The following PAIP2B variants were observed in gnomAD, a reference collection of about 807,000 sequenced individuals.
PAIP2B encodes the protein polyadenylate-binding protein-interacting protein 2B.
PAIP2B carries 13 observed loss-of-function variants against 17.0 expected under a neutral mutation model. The ratio of observed to expected loss-of-function variants is 0.76; its 90% confidence interval spans 0.50 to 1.22. The LOEUF is 1.22. PAIP2B is among the 50% of genes most tolerant of loss of function. The probability of loss-of-function intolerance (pLI) is 0.00; values close to 1 mark genes in which losing one functional copy is unlikely to be tolerated. For missense variants in PAIP2B, 117 were observed against 144.5 expected (o/e 0.81, Z 0.98); for synonymous variants, 43 against 48.7 (o/e 0.88, Z 0.48).
intron 1 of PAIP2B, among the ~76,000 whole-genome samples, chr2:71,219,943 C>A (rs1675535007): frequency 6.6e-6 from 1 of 152,222 alleles, no homozygotes; most frequent in Admixed American, 6.5e-5. Context: ...ATATACCATT[C>A]CTTGTTCCTT....
intron 1 of PAIP2B, among the ~76,000 whole-genome samples, chr2:71,206,150 A>G (rs1675122633): frequency 1.3e-5 from 2 of 152,226 alleles, no homozygotes; most frequent in African/African-American, 2.4e-5. Flanking sequence ...TTCAATAAAC[A>G]CTGGCAATTA....
chr2:71,210,078 C>G (rs1453620151), intron 1 of PAIP2B, among the ~76,000 whole-genome samples: 1 of 152,198 alleles, frequency 6.6e-6, no homozygotes, highest in Non-Finnish European at 1.5e-5. Context: ...CCCGCCTCAG[C>G]CTCCCAAAGT....
In PAIP2B at chr2:71,211,896, C is replaced by T. The variant is rs147947082; in HGVS notation, c.-11-9296G>A. 7.4e-3 allele frequency among the ~76,000 whole-genome samples: 1,132 copies of T among 152,274 alleles called. 11 individuals are homozygous for T. Among genetic ancestry groups the T allele is most frequent in the Non-Finnish European group, 0.011 (758 of 68,016 alleles). ...CAAAAGACTTGCCAAAAGTCAGTGG[C>T]AAGATCTCTAGACTCAGACCCACCT... is the stretch of plus-strand genomic sequence containing the variant. On this transcript the variant is annotated intron_variant, in intron 1 of 3. Transcript: ENST00000244221.
chr2:71,206,864 C>T (rs543238933), intron 1 of PAIP2B, among the ~76,000 whole-genome samples: 37 of 152,340 alleles, frequency 2.4e-4, no homozygotes, highest in African/African-American at 8.9e-4. Context: ...AGTTTCATTA[C>T]TTCCTTCAGT....
chr2:71,214,830 T>G (rs1417765448), intron 1 of PAIP2B, among the ~76,000 whole-genome samples: 1 of 152,170 alleles, frequency 6.6e-6, no homozygotes, highest in Non-Finnish European at 1.5e-5. Flanking sequence ...CTTTGGACCC[T>G]CTATGAACCT....
At chr2:71,210,718 C>G (rs1051807881) in intron 1 of PAIP2B, among the ~76,000 whole-genome samples, 2 of 152,174 alleles carry the variant, frequency 1.3e-5, no homozygotes, top group Non-Finnish European at 2.9e-5. Flanking sequence ...AAATTAAACT[C>G]AAGGCTGCCA....
intron 2 of PAIP2B, among the ~76,000 whole-genome samples, chr2:71,196,346 A>G (rs1166690983): frequency 6.6e-6 from 1 of 152,022 alleles, no homozygotes; most frequent in Non-Finnish European, 1.5e-5. Flanking sequence ...GTTGACTTCT[A>G]TTTTTATTGT....
rs543815170 is a variant in PAIP2B at position 71,194,220 on chromosome 2, T to A, written c.139-4199A>T. Among the ~76,000 whole-genome samples the A allele has an allele frequency of 1.7e-4, 26 of 151,426 alleles. No homozygotes were observed. In the South Asian group the frequency reaches 5.5e-3, roughly 32 times the overall value. ...ATTCGTGCACTTTTTAGGTTCCATA[T>A]AAATTTTGAAATATTTTTTTCTAGT... On this transcript the variant is annotated intron_variant, in intron 2 of 3. Coordinates refer to ENST00000244221, the MANE Select transcript of PAIP2B (RefSeq NM_020459.1).
At position 71,186,947 on chromosome 2, in the gene PAIP2B, C is replaced by T. The variant is rs983368898; in HGVS notation, c.*1532G>A. On this transcript the variant is annotated 3_prime_UTR_variant, in exon 4 of 4. Transcript: ENST00000244221. ...CATAAGGAGAATTTCTTCAGCTTTC[C>T]ATACCCTAGTCCTTTCCTTCCAACC... The T allele has an allele frequency of 5.3e-5, 8 of 152,186 alleles. No homozygotes were observed. The highest frequency in any genetic ancestry group is 1.2e-4 in the Non-Finnish European group (8 of 68,050). The allele number at this position is 152,186 out of a possible 1,614,324, so 9.4% of individuals were successfully genotyped here.
chr2:71,197,885 C>A (rs1674863429), intron 2 of PAIP2B, among the ~76,000 whole-genome samples: 1 of 152,186 alleles, frequency 6.6e-6, no homozygotes, highest in Admixed American at 6.5e-5. Context: ...TCAGTCATCT[C>A]CCACCAGGTC....
intron 1 of PAIP2B, among the ~76,000 whole-genome samples, chr2:71,221,294 A>G (rs1267506118): frequency 6.6e-6 from 1 of 152,214 alleles, no homozygotes; most frequent in Non-Finnish European, 1.5e-5. Context: ...CACCATCTCT[A>G]TATCTCTGTG....
At chr2:71,217,510 T>C (rs935775088) in intron 1 of PAIP2B, among the ~76,000 whole-genome samples, 1 of 152,186 alleles carries the variant, frequency 6.6e-6, no homozygotes, top group Non-Finnish European at 1.5e-5. Context: ...ACTTCCAAGT[T>C]AATAGAATTA....
chr2:71,218,510 C>T (rs921934836), intron 1 of PAIP2B, among the ~76,000 whole-genome samples: 3 of 152,040 alleles, frequency 2.0e-5, no homozygotes, highest in African/African-American at 7.2e-5. Flanking sequence ...AATGGAAGGG[C>T]GAAACTGGAA....
At chr2:71,217,551 T>C (rs1414971874) in intron 1 of PAIP2B, among the ~76,000 whole-genome samples, 1 of 152,222 alleles carries the variant, frequency 6.6e-6, no homozygotes, top group Non-Finnish European at 1.5e-5. Context: ...TCAAAGCCTC[T>C]ACCCAGGCAA....
chr2:71,223,933 T>C lies in PAIP2B; in HGVS notation c.-12+2995A>G, dbSNP rs1271312830. Among the ~76,000 whole-genome samples, 3 of 152,246 alleles carry C rather than the reference T, an allele frequency of 2.0e-5. No homozygotes were observed. The East Asian group carries it at 5.8e-4, about 29-fold the overall frequency. On this transcript the variant is annotated intron_variant, in intron 1 of 3. Transcript: ENST00000244221. ...TTACAAATACAGTTCATCTTCATTA[T>C]TTGTGGATCCCATATTTGCAAATTT...
intron 2 of PAIP2B, among the ~76,000 whole-genome samples, chr2:71,194,162 G>T (rs755963434): frequency 1.3e-5 from 2 of 152,140 alleles, no homozygotes; most frequent in Admixed American, 1.3e-4. Flanking sequence ...GATGCCCTCA[G>T]CTTTGTTCTT....
At chr2:71,219,690 A>G (rs1675528137) in intron 1 of PAIP2B, among the ~76,000 whole-genome samples, 1 of 152,074 alleles carries the variant, frequency 6.6e-6, no homozygotes, top group Non-Finnish European at 1.5e-5. Flanking sequence ...TCATTCCTTC[A>G]TTCACTTATT....
intron 2 of PAIP2B, among the ~76,000 whole-genome samples, chr2:71,195,060 G>A (rs1255298390): frequency 6.6e-6 from 1 of 152,176 alleles, no homozygotes; most frequent in African/African-American, 2.4e-5. Context: ...AACCAACCTG[G>A]CATCCCGGGG....
At chr2:71,220,266 G>A (rs1448034693) in intron 1 of PAIP2B, among the ~76,000 whole-genome samples, 3 of 152,138 alleles carry the variant, frequency 2.0e-5, no homozygotes, top group South Asian at 2.1e-4. Flanking sequence ...ACAGCAGCAC[G>A]TAACAAAAGA....
Sources: allele counts gnomAD v4.1 joint callset (sites outside exome capture counted in the v4.1 genomes callset), GRCh38; gene constraint gnomAD v4.1.1; transcripts MANE v1.5; gene names NCBI Gene and HGNC (gene_info 2026-07-23, HGNC 2026-07-21).